The following STK10 variants were observed in gnomAD, a reference collection of about 807,000 sequenced individuals.
STK10 encodes serine/threonine kinase 10.
Under a neutral mutation model 113.8 loss-of-function variants are expected in STK10, and 78 were observed. The ratio of observed to expected loss-of-function variants is 0.69; its 90% CI spans 0.57 to 0.83. The LOEUF (loss-of-function observed/expected upper bound fraction) is 0.83, where lower values mean the gene tolerates loss of function less well. STK10 is among the 40% of genes least tolerant of loss of function. STK10 has a pLI of 0.00. For missense variants in STK10, 1,109 were observed against 1,280.1 expected (o/e 0.87, Z 2.04); for synonymous variants, 465 against 494.7 (o/e 0.94, Z 0.80).
intron 3 of STK10, among the ~76,000 whole-genome samples, chr5:172,121,148 C>CT (rs1403238739): frequency 2.0e-5 from 3 of 151,696 alleles, no homozygotes; most frequent in African/African-American, 7.3e-5. Flanking sequence ...CCTGCCTCAG[C>CT]CTCCCGAGTA....
rs746307177 is a variant in STK10 at position 172,106,804 on chromosome 5, C to CG, written c.603dup (p.Glu202ArgfsTer6). On this transcript the variant is annotated frameshift_variant, in exon 6 of 19. Coordinates refer to ENST00000176763, the MANE Select transcript of STK10 (RefSeq NM_005990.4). LOFTEE classifies it high-confidence loss of function. ...TTCATGGTCTCACACATGACCACCTCGGGGGCCATCCTGAACCAACCAAGG... is the reference window on the plus strand; with the variant it reads ...TTCATGGTCTCACACATGACCACCTCGGGGGGCCATCCTGAACCAACCAAGG... 3.1e-6 allele frequency: 5 copies of CG among 1,613,948 alleles called. No individual in the cohort carries two copies. Among genetic ancestry groups the CG allele is most frequent in the Non-Finnish European group, 4.2e-6 (5 of 1,179,900 alleles).
chr5:172,166,788 A>T (rs1446437642), intron 1 of STK10, among the ~76,000 whole-genome samples: 1 of 152,210 alleles, frequency 6.6e-6, no homozygotes, highest in Non-Finnish European at 1.5e-5. Flanking sequence ...ACAATTGGAA[A>T]TAGGTTTTAA....
intron 13 of STK10, among the ~76,000 whole-genome samples, chr5:172,063,955 G>T (rs1296406515): frequency 6.6e-6 from 1 of 152,190 alleles, no homozygotes; most frequent in African/African-American, 2.4e-5. Context: ...TGAAAAGAAG[G>T]CTGGGGAGGC....
intron 7 of STK10, 51 bp from the exon 8 acceptor site, chr5:172,096,611 G>A: frequency 6.3e-7 from 1 of 1,598,902 alleles, no homozygotes; most frequent in Non-Finnish European, 8.5e-7. Context: ...GTCACGGTGG[G>A]GTGGAAGAGG....
chr5:172,050,000 G>A (rs541060063), intron 18 of STK10, among the ~76,000 whole-genome samples: 111 of 152,134 alleles, frequency 7.3e-4, no homozygotes, highest in African/African-American at 2.4e-3. Context: ...ACTGGGTTTC[G>A]CCATGTTGGC....
rs528676881 is a variant in STK10 at position 172,061,975 on chromosome 5, CTT to C, written c.2083-709_2083-708del. ...TTATACCTATTCCCATGTTACTTTTCTTTTTTCTTTTTTTTTTTTTGAGAGAG... is the reference window on the plus strand; with the variant it reads ...TTATACCTATTCCCATGTTACTTTTCTTTTCTTTTTTTTTTTTTGAGAGAG... On this transcript the variant is annotated intron_variant, in intron 13 of 18. Transcript: ENST00000176763. Among the ~76,000 whole-genome samples, 963 of 149,782 alleles carry C rather than the reference CTT, an allele frequency of 6.4e-3. 9 individuals carry two copies. The highest frequency in any genetic ancestry group is 0.023 in the African/African-American group (921 of 40,470).
At chr5:172,071,972 C>T (rs1016003823) in intron 12 of STK10, among the ~76,000 whole-genome samples, 4 of 152,118 alleles carry the variant, frequency 2.6e-5, no homozygotes, top group Admixed American at 6.6e-5. Flanking sequence ...AACCACAGAT[C>T]GATATCCTTC....
In STK10 at chr5:172,061,172, C is replaced by T. The variant is rs975206518; in HGVS notation, c.2179G>A (p.Glu727Lys). The change falls in exon 14 of 19, where the codon GAG (glutamate) becomes AAG (lysine). Residue 727 changes from glutamate (E) to lysine (K), a missense_variant. Physicochemically the swap from Glu to Lys is moderately conservative, Grantham distance 56 (BLOSUM62 1). This residue lies in a region of STK10 where 885 missense variants were observed against 991.1 expected (regional missense o/e 0.89). Transcript: ENST00000176763. ...AGCTCCTGCTTCTTCATGAGGCACT[C>T]GCGCTCCTTGTCACAGATCTCCCGC... is the stretch of plus-strand genomic sequence containing the variant. Reference protein sequence around the residue: ...NRREICDKERECLMKKQELLR... With the variant: ...NRREICDKERKCLMKKQELLR... The T allele has an allele frequency of 1.7e-5, 27 of 1,613,168 alleles. No homozygotes were observed. The highest frequency in any genetic ancestry group is 2.0e-5 in the Non-Finnish European group (24 of 1,179,856).
At chr5:172,097,896 G>A (rs1027460672) in intron 7 of STK10, among the ~76,000 whole-genome samples, 3 of 152,164 alleles carry the variant, frequency 2.0e-5, no homozygotes, top group East Asian at 1.9e-4. Context: ...AGGTCTCAGC[G>A]ATATTAAGTC....
chr5:172,139,504 A>G (rs1459378446), intron 2 of STK10, among the ~76,000 whole-genome samples: 1 of 151,854 alleles, frequency 6.6e-6, no homozygotes, highest in Non-Finnish European at 1.5e-5. Flanking sequence ...AAAAAAAAAA[A>G]AAAAAGAAAA....
At chr5:172,150,074 A>G (rs970638062) in intron 2 of STK10, among the ~76,000 whole-genome samples, 2 of 150,610 alleles carry the variant, frequency 1.3e-5, no homozygotes, top group Non-Finnish European at 3.0e-5. Context: ...AAAAGAAAGA[A>G]AGACCTCCTT....
At position 172,107,828 on chromosome 5, in the gene STK10, T is replaced by A; in HGVS notation, c.545A>T (p.Asn182Ile). Residue 182 changes from asparagine to isoleucine, a missense_variant, in exon 5 of 19, where the codon AAT becomes ATT. By Grantham distance (149) the Asn-to-Ile change is moderately radical (BLOSUM62 -3). This residue lies in a region of STK10 where 44 missense variants were observed against 84.4 expected (regional missense o/e 0.52). Coordinates refer to ENST00000176763, the MANE Select transcript of STK10 (RefSeq NM_005990.4). ...RLADFGVSAK[N>I]LKTLQKRDSF... ...ATCTCGTTTCTGTAGAGTCTTCAGA[T>A]TCTTGGCAGACACACCAAAGTCAGC... 3 of 1,614,192 alleles carry A rather than the reference T, an allele frequency of 1.9e-6. No individual in the cohort carries two copies. The highest frequency in any genetic ancestry group is 2.5e-6 in the Non-Finnish European group (3 of 1,180,008).
intron 2 of STK10, among the ~76,000 whole-genome samples, chr5:172,153,279 T>C (rs1770275613): frequency 8.6e-6 from 1 of 116,394 alleles, no homozygotes. Flanking sequence ...GGAGCAAAAC[T>C]CCATCTCAAA....
At chr5:172,058,724 T>C (rs1356775126) in intron 14 of STK10, among the ~76,000 whole-genome samples, 1 of 151,966 alleles carries the variant, frequency 6.6e-6, no homozygotes, top group African/African-American at 2.4e-5. Flanking sequence ...ACCCAGTCTC[T>C]ACTAAAAATA....
chr5:172,125,769 TTTGA>T (rs1478558623), intron 3 of STK10, among the ~76,000 whole-genome samples: 2 of 152,224 alleles, frequency 1.3e-5, no homozygotes, highest in African/African-American at 4.8e-5. Context: ...CTACTGCCTA[TTTGA>T]TTGTGTAAAG....
chr5:172,126,467 G>C (rs1328957635), intron 3 of STK10, among the ~76,000 whole-genome samples: 1 of 152,088 alleles, frequency 6.6e-6, no homozygotes, highest in African/African-American at 2.4e-5. Flanking sequence ...GGGAGGCTGG[G>C]GCAGAAGAAT....
chr5:172,111,489 C>A (rs1010398541), intron 4 of STK10, among the ~76,000 whole-genome samples: 1 of 152,196 alleles, frequency 6.6e-6, no homozygotes, highest in Admixed American at 6.5e-5. Flanking sequence ...CACGATGGGG[C>A]CCAGATGGGA....
In STK10 at chr5:172,117,520, C is replaced by T. The variant is rs763505756; in HGVS notation, c.481G>A (p.Gly161Ser). The change falls in exon 4 of 19, where the codon GGC becomes AGC. Residue 161 changes from glycine to serine, a missense_variant. By Grantham distance (56) the Gly-to-Ser change is moderately conservative. This residue lies in a region of STK10 where 44 missense variants were observed against 84.4 expected (regional missense o/e 0.52). Coordinates refer to ENST00000176763, the MANE Select transcript of STK10 (RefSeq NM_005990.4). Reference sequence around the variant, plus strand: ...CCCTCGAGGGTCATCAGCACGTTGCCAGCTTTCAGATCTCGGTGGATGATC... The same window carrying T: ...CCCTCGAGGGTCATCAGCACGTTGCTAGCTTTCAGATCTCGGTGGATGATC... Reference protein sequence around the residue: ...KRIIHRDLKAGNVLMTLEGDI... With the variant: ...KRIIHRDLKASNVLMTLEGDI... The T allele has an allele frequency of 6.2e-7, 1 of 1,613,254 alleles. No homozygotes were observed. Among genetic ancestry groups the T allele is most frequent in the Non-Finnish European group, 8.5e-7 (1 of 1,179,978 alleles).
At chr5:172,117,679 GA>G (rs758481251) in intron 3 of STK10, 49 bp from the exon 4 acceptor site, 71 of 1,604,330 alleles carry the variant, frequency 4.4e-5, no homozygotes, top group Non-Finnish European at 5.7e-5. Context: ...CTGGACACAG[GA>G]AACTGAAATG....
Sources: gnomAD v4.1 joint callset for allele counts (sites outside exome capture counted in the v4.1 genomes callset) on GRCh38, gnomAD v4.1.1 for gene constraint, gnomAD v4.1.1 regional missense constraint, MANE v1.5 for transcripts, NCBI Gene and HGNC (gene_info 2026-07-23, HGNC 2026-07-21) for gene names.